The following PCSK5 variants were observed in gnomAD, a reference collection of about 807,000 sequenced individuals.
PCSK5 encodes the protein prohormone convertase 5.
Under a neutral mutation model 233.2 loss-of-function variants are expected in PCSK5, and 129 were observed. The ratio of observed to expected loss-of-function variants is 0.55; its 90% CI spans 0.48 to 0.64. The LOEUF (loss-of-function observed/expected upper bound fraction) is 0.64, where lower values mean the gene tolerates loss of function less well. Ranked by LOEUF, PCSK5 falls within the 30% of genes least tolerant of loss-of-function variation. The probability of loss-of-function intolerance (pLI) is 0.00; values close to 1 mark genes in which losing one functional copy is unlikely to be tolerated. For missense variants in PCSK5, 2,076 were observed against 2,430.1 expected (o/e 0.85, Z 3.06); for synonymous variants, 825 against 879.2 (o/e 0.94, Z 1.09).
At chr9:76,181,361 A>G (rs2131217420) in intron 15 of PCSK5, 37 bp from the exon 16 acceptor site, 2 of 1,576,412 alleles carry the variant, frequency 1.3e-6, no homozygotes, top group East Asian at 2.2e-5. Context: ...TGGTTTGCTC[A>G]TGACGCTGCC....
At chr9:76,351,422 G>GC (rs201247391) in intron 36 of PCSK5, among the ~76,000 whole-genome samples, 17,050 of 96,760 alleles carry the variant, frequency 0.18, 2,661 homozygotes, top group Non-Finnish European at 0.25. Flanking sequence ...ACCAGAAACC[G>GC]CCCCCCCCTG....
intron 5 of PCSK5, among the ~76,000 whole-genome samples, chr9:76,032,669 G>A: frequency 6.6e-6 from 1 of 152,150 alleles, no homozygotes; most frequent in Non-Finnish European, 1.5e-5. Context: ...ATATTAGCTT[G>A]CCAAATAAAG....
At chr9:75,896,850 A>C (rs981785449) in intron 1 of PCSK5, among the ~76,000 whole-genome samples, 9 of 152,196 alleles carry the variant, frequency 5.9e-5, no homozygotes, top group African/African-American at 2.2e-4. Flanking sequence ...GAGTAAAATT[A>C]CTCATGAGTG....
chr9:76,046,214 C>G (rs1829385776), intron 5 of PCSK5, among the ~76,000 whole-genome samples: 1 of 119,352 alleles, frequency 8.4e-6, no homozygotes, highest in Admixed American at 1.1e-4. Context: ...GTCTCGCCCT[C>G]TCGCCCAGGC....
intron 7 of PCSK5, among the ~76,000 whole-genome samples, chr9:76,089,908 T>C (rs113130051): frequency 4.1e-4 from 62 of 152,270 alleles, no homozygotes; most frequent in African/African-American, 1.4e-3. Flanking sequence ...ATAATGCTGA[T>C]AGGGTAATAC....
At chr9:76,273,252 C>T (rs952869941) in intron 24 of PCSK5, among the ~76,000 whole-genome samples, 15 of 152,272 alleles carry the variant, frequency 9.9e-5, no homozygotes, top group African/African-American at 3.6e-4. Flanking sequence ...CACATGTGCT[C>T]TAATTTAGGT....
rs143352701 is a variant in PCSK5, at chr9:76,242,836, G to T, written c.3142+2152G>T. Among the ~76,000 whole-genome samples the T allele has an allele frequency of 5.3e-5, 8 of 152,294 alleles. No homozygotes were observed. In the East Asian group the frequency reaches 1.5e-3, roughly 29 times the overall value. ...GTGTAATCTAAAATCTGAGGTTTGG[G>T]CTCTCTTGGCTCTGCTCAGTGATGA... is the stretch of plus-strand genomic sequence containing the variant. On this transcript the variant is annotated intron_variant, in intron 24 of 37. Transcript: ENST00000674117.
chr9:75,968,053 C>T (rs968456832), intron 2 of PCSK5, among the ~76,000 whole-genome samples: 14 of 152,208 alleles, frequency 9.2e-5, no homozygotes, highest in Middle Eastern at 3.2e-3. Context: ...TGAGCCACTG[C>T]GCCTGGCCAG....
intron 2 of PCSK5, among the ~76,000 whole-genome samples, chr9:75,938,252 G>T (rs1266076846): frequency 6.6e-6 from 1 of 152,026 alleles, no homozygotes; most frequent in Non-Finnish European, 1.5e-5. Flanking sequence ...TTATTAATTG[G>T]CCCAATTTCA....
intron 12 of PCSK5, 102 bp from the exon 13 acceptor site, chr9:76,169,602 T>C: frequency 1.9e-6 from 2 of 1,069,150 alleles, no homozygotes; most frequent in Non-Finnish European, 2.8e-6. Flanking sequence ...AGTGCCCAGC[T>C]GAACTTGCTA....
intron 3 of PCSK5, among the ~76,000 whole-genome samples, chr9:75,993,036 C>A (rs1053665973): frequency 3.9e-5 from 6 of 152,170 alleles, no homozygotes; most frequent in African/African-American, 1.4e-4. Flanking sequence ...TGAGACATCA[C>A]TGTCTCTGCG....
intron 24 of PCSK5, among the ~76,000 whole-genome samples, chr9:76,244,454 C>G (rs1223952484): frequency 6.6e-6 from 1 of 151,928 alleles, no homozygotes. Flanking sequence ...GTAGATTCAC[C>G]TCTGGGCCAG....
chr9:76,207,886 AT>A (rs1406751651), intron 20 of PCSK5, among the ~76,000 whole-genome samples: 7 of 152,326 alleles, frequency 4.6e-5, no homozygotes, highest in Admixed American at 3.9e-4. Context: ...TGGGTAGTTT[AT>A]AAAAAATAGG....
chr9:76,352,261 C>T (rs372276782), intron 36 of PCSK5, among the ~76,000 whole-genome samples: 100 of 152,226 alleles, frequency 6.6e-4, no homozygotes, highest in Non-Finnish European at 8.7e-4. Context: ...ACTGCCACGG[C>T]GCTGGTGGGA....
chr9:76,064,226 T>TG (rs1280471706), intron 5 of PCSK5, among the ~76,000 whole-genome samples: 24 of 47,480 alleles, frequency 5.1e-4, no homozygotes, highest in African/African-American at 2.5e-3. Flanking sequence ...GCTGGCCGGG[T>TG]GGGGGGCTGA....
intron 14 of PCSK5, 162 bp downstream of exon 14, chr9:76,175,291 C>CGAATCGAATAGAATAGAATA (rs71372053): frequency 4.0e-5 from 21 of 526,712 alleles, no homozygotes; most frequent in African/African-American, 1.7e-4. Flanking sequence ...CGAATCGAAT[C>CGAATCGAATAGAATAGAATA]GAATAGAATA....
intron 3 of PCSK5, among the ~76,000 whole-genome samples, chr9:75,989,669 T>G (rs928634302): frequency 1.3e-5 from 2 of 152,114 alleles, no homozygotes; most frequent in East Asian, 1.9e-4. Flanking sequence ...GGCTGGCACA[T>G]GGGTTCCTCT....
intron 20 of PCSK5, among the ~76,000 whole-genome samples, chr9:76,226,960 C>T (rs950609939): frequency 6.6e-6 from 1 of 152,168 alleles, no homozygotes; most frequent in Non-Finnish European, 1.5e-5. Flanking sequence ...CTGGCTATTT[C>T]TTCACTATTA....
At chr9:76,258,205 T>C (rs1209909314) in intron 24 of PCSK5, among the ~76,000 whole-genome samples, 1 of 152,202 alleles carries the variant, frequency 6.6e-6, no homozygotes, top group African/African-American at 2.4e-5. Context: ...ACCTCTGATA[T>C]GGACCAGAAA....
Sources: gnomAD v4.1 joint callset for allele counts (sites outside exome capture counted in the v4.1 genomes callset) on GRCh38, gnomAD v4.1.1 for gene constraint, MANE v1.5 for transcripts, NCBI Gene and HGNC (gene_info 2026-07-23, HGNC 2026-07-21) for gene names.